The following NCKAP5 variants were observed in gnomAD, a reference collection of about 807,000 sequenced individuals.
NCKAP5 encodes NCK associated protein 5.
A neutral mutation model predicts 167.0 loss-of-function variants in NCKAP5; 92 were observed. That is an observed-to-expected ratio of 0.55 (90% confidence interval 0.47 to 0.66). NCKAP5 has a LOEUF of 0.66. NCKAP5 is among the 30% of genes least tolerant of loss of function. The pLI is 0.00. For missense variants in NCKAP5, 2,378 were observed against 2,315.0 expected (o/e 1.03, Z -0.56); for synonymous variants, 891 against 877.4 (o/e 1.02, Z -0.27).
At chr2:132,797,784 A>G (rs534904894) in intron 11 of NCKAP5, among the ~76,000 whole-genome samples, 2 of 152,286 alleles carry the variant, frequency 1.3e-5, no homozygotes, top group Admixed American at 6.5e-5. Context: ...CATATCTACC[A>G]TGAAGTCAGC....
At chr2:133,065,756 C>T (rs940464735) in intron 6 of NCKAP5, among the ~76,000 whole-genome samples, 7 of 152,152 alleles carry the variant, frequency 4.6e-5, no homozygotes, top group African/African-American at 1.7e-4. Flanking sequence ...ACTATATGGT[C>T]CCAATGACTA....
At chr2:132,711,223 CA>C (rs1688813348) in intron 19 of NCKAP5, among the ~76,000 whole-genome samples, 1 of 152,198 alleles carries the variant, frequency 6.6e-6, no homozygotes, top group Admixed American at 6.5e-5. Flanking sequence ...CCTTTCTCTC[CA>C]AAAGCTTTCC....
intron 2 of NCKAP5, among the ~76,000 whole-genome samples, chr2:133,545,132 G>C (rs1206709420): frequency 6.6e-6 from 1 of 152,214 alleles, no homozygotes; most frequent in African/African-American, 2.4e-5. Context: ...AAGAGATGTA[G>C]AACCAAATAA....
intron 5 of NCKAP5, among the ~76,000 whole-genome samples, chr2:133,171,509 C>T (rs2084247798): frequency 6.6e-6 from 1 of 152,062 alleles, no homozygotes; most frequent in African/African-American, 2.4e-5. Context: ...TCCATCATGC[C>T]CAGAGCACTA....
the NCKAP5 span, among the ~76,000 whole-genome samples, chr2:133,653,703 C>T: frequency 6.6e-6 from 1 of 152,220 alleles, no homozygotes; most frequent in African/African-American, 2.4e-5. Flanking sequence ...TCAGCAACCT[C>T]TAGGACCAGA....
chr2:132,804,834 A>C (rs962666481), intron 11 of NCKAP5, among the ~76,000 whole-genome samples: 31 of 151,948 alleles, frequency 2.0e-4, no homozygotes, highest in Non-Finnish European at 3.5e-4. Context: ...TGCTACATAT[A>C]TTTCAGGAAG....
intron 7 of NCKAP5, among the ~76,000 whole-genome samples, chr2:132,986,619 T>A (rs1169051206): frequency 3.3e-5 from 5 of 152,202 alleles, no homozygotes; most frequent in Admixed American, 1.3e-4. Flanking sequence ...GTTAGAAATT[T>A]GGCAAATATA....
chr2:133,131,674 T>G (rs1182969348), intron 5 of NCKAP5, among the ~76,000 whole-genome samples: 2 of 152,142 alleles, frequency 1.3e-5, no homozygotes, highest in Non-Finnish European at 2.9e-5. Flanking sequence ...AAATCAAAAT[T>G]AAAATCAAAT....
chr2:133,651,909 CA>C, the NCKAP5 span, among the ~76,000 whole-genome samples: 6 of 152,226 alleles, frequency 3.9e-5, no homozygotes, highest in Non-Finnish European at 8.8e-5. Flanking sequence ...TGTGAATTTA[CA>C]TGCTCTTCAA....
At chr2:132,930,804 T>C (rs1015183510) in intron 8 of NCKAP5, 3 of 152,344 alleles carry the variant, frequency 2.0e-5, no homozygotes, top group Admixed American at 6.5e-5. Context: ...TAACAGGTAA[T>C]AACAATGATG....
intron 4 of NCKAP5, among the ~76,000 whole-genome samples, chr2:133,287,750 G>T (rs1314082812): frequency 2.0e-5 from 3 of 152,144 alleles, no homozygotes; most frequent in Non-Finnish European, 4.4e-5. Context: ...CTGGGCCCAG[G>T]TGGGCTGAGG....
At chr2:133,395,350 G>A (rs1687669782) in intron 3 of NCKAP5, among the ~76,000 whole-genome samples, 1 of 152,200 alleles carries the variant, frequency 6.6e-6, no homozygotes, top group Non-Finnish European at 1.5e-5. Context: ...AATGGCCAGT[G>A]CTGAAGATTT....
the NCKAP5 span, among the ~76,000 whole-genome samples, chr2:133,662,477 A>G: frequency 2.6e-5 from 4 of 151,600 alleles, no homozygotes; most frequent in East Asian, 8.0e-4. Flanking sequence ...GGCTTATAAC[A>G]TATTTCTGGT....
intron 6 of NCKAP5, among the ~76,000 whole-genome samples, chr2:133,069,082 C>G (rs2149544031): frequency 6.6e-6 from 1 of 152,268 alleles, no homozygotes; most frequent in African/African-American, 2.4e-5. Flanking sequence ...GTGAGCGATC[C>G]AGTACTGACT....
intron 3 of NCKAP5, among the ~76,000 whole-genome samples, chr2:133,414,483 G>A (rs966747329): frequency 3.9e-5 from 6 of 152,108 alleles, no homozygotes; most frequent in Admixed American, 6.5e-5. Flanking sequence ...CCAATGGGAC[G>A]GAGACAGGGA....
At chr2:133,359,281 G>A (rs1865582) in intron 3 of NCKAP5, among the ~76,000 whole-genome samples, 74,145 of 151,928 alleles carry the variant, frequency 0.49, 20,279 homozygotes, top group African/African-American at 0.75. Flanking sequence ...CATTTCTCAC[G>A]TCTTACAACT....
At chr2:133,262,906 CTGACACCCCTGAGCCCGGATGATG>C (rs1271255088) in intron 4 of NCKAP5, among the ~76,000 whole-genome samples, 3 of 152,156 alleles carry the variant, frequency 2.0e-5, no homozygotes, top group Non-Finnish European at 4.4e-5. Flanking sequence ...ACAAAGAAGA[CTGACACCCCTGAGCCCGGATGATG>C]TTAGCCATCA....
intron 5 of NCKAP5, among the ~76,000 whole-genome samples, chr2:133,195,884 G>A (rs965965405): frequency 6.6e-6 from 1 of 152,046 alleles, no homozygotes; most frequent in Non-Finnish European, 1.5e-5. Context: ...GACTGATAGA[G>A]TCAAGATTAT....
At chr2:132,695,720 A>G (rs971994381) in intron 19 of NCKAP5, among the ~76,000 whole-genome samples, 3 of 152,192 alleles carry the variant, frequency 2.0e-5, no homozygotes, top group Non-Finnish European at 4.4e-5. Context: ...AACAGGATCC[A>G]AGGATACTTT....
Sources: allele counts gnomAD v4.1 joint callset (sites outside exome capture counted in the v4.1 genomes callset), GRCh38; gene constraint gnomAD v4.1.1; transcripts MANE v1.5; gene names NCBI Gene and HGNC (gene_info 2026-07-23, HGNC 2026-07-21).